Variants in ASAP1 observed in about 807,000 individuals in gnomAD.
ASAP1 encodes arf-GAP with SH3 domain, ANK repeat and PH domain-containing protein 1.
Under a neutral mutation model 145.2 loss-of-function variants are expected in ASAP1, and 43 were observed. The ratio of observed to expected loss-of-function variants is 0.30; its 90% CI spans 0.23 to 0.38. ASAP1 has a LOEUF of 0.38. Among genes scored for constraint, ASAP1 ranks in the 10% least tolerant of loss-of-function variants. The pLI is 1.00. For synonymous variants in ASAP1, 546 were observed against 515.5 expected (o/e 1.06, Z -0.80); for missense variants, 1,018 against 1,355.3 (o/e 0.75, Z 3.91).
chr8:130,179,502 C>T (rs922955375), intron 8 of ASAP1, among the ~76,000 whole-genome samples, 153 bp from the exon 9 acceptor site: 2 of 152,142 alleles, frequency 1.3e-5, no homozygotes, highest in African/African-American at 4.8e-5. Context: ...TTCGCAGTCA[C>T]AAAGTGTTCA....
chr8:130,136,311 C>G (rs2097594640), intron 14 of ASAP1, among the ~76,000 whole-genome samples: 1 of 152,194 alleles, frequency 6.6e-6, no homozygotes, highest in East Asian at 1.9e-4. Context: ...TCATTACGCT[C>G]TCTCATCACA....
chr8:130,262,436 G>C (rs1469099407), intron 3 of ASAP1, among the ~76,000 whole-genome samples: 1 of 138,258 alleles, frequency 7.2e-6, no homozygotes, highest in Admixed American at 7.3e-5. Flanking sequence ...GAGAGAGAGA[G>C]AGAGAGAGAG....
At chr8:130,162,487 G>C (rs1301549746) in intron 11 of ASAP1, among the ~76,000 whole-genome samples, 1 of 152,092 alleles carries the variant, frequency 6.6e-6, no homozygotes, top group Admixed American at 6.5e-5. Context: ...TATGAATTTG[G>C]AGTCAGGGAT....
intron 1 of ASAP1, among the ~76,000 whole-genome samples, chr8:130,423,714 A>G (rs1017407039): frequency 9.9e-5 from 15 of 152,226 alleles, no homozygotes; most frequent in African/African-American, 3.4e-4. Flanking sequence ...GTCTATGAGT[A>G]TATCAGCATA....
chr8:130,178,016 T>A (rs181155273), intron 9 of ASAP1, among the ~76,000 whole-genome samples: 1 of 152,212 alleles, frequency 6.6e-6, no homozygotes, highest in South Asian at 2.1e-4. Context: ...AGCCAAAATG[T>A]TGACTCATCT....
chr8:130,183,381 C>A lies in ASAP1; in HGVS notation c.531-2501G>T, dbSNP rs193146875. Among the ~76,000 whole-genome samples, 16 of 152,158 alleles carry A rather than the reference C, an allele frequency of 1.1e-4. No homozygotes were observed. In the East Asian group the frequency reaches 2.7e-3, roughly 26 times the overall value. On this transcript the variant is annotated intron_variant, in intron 7 of 29. Transcript: ENST00000518721. ...TTTGAGACAAAGTCTCGCTTTCTTG[C>A]CCAGGCTGGAGTGCAGTGGTCCGAT...
At chr8:130,420,493 C>T (rs1412505356) in intron 1 of ASAP1, among the ~76,000 whole-genome samples, 2 of 152,052 alleles carry the variant, frequency 1.3e-5, no homozygotes, top group Admixed American at 6.5e-5. Flanking sequence ...GCACTATTCA[C>T]GATGGCCAGG....
intron 3 of ASAP1, among the ~76,000 whole-genome samples, chr8:130,278,995 G>A (rs1372002397): frequency 6.6e-6 from 1 of 152,196 alleles, no homozygotes; most frequent in Non-Finnish European, 1.5e-5. Flanking sequence ...CCATTTCACA[G>A]ATGAGGAAGC....
At chr8:130,335,012 C>A (rs901844731) in intron 3 of ASAP1, among the ~76,000 whole-genome samples, 1 of 152,202 alleles carries the variant, frequency 6.6e-6, no homozygotes, top group Non-Finnish European at 1.5e-5. Context: ...TCCCCAAATT[C>A]TCTCTGGCCA....
intron 3 of ASAP1, among the ~76,000 whole-genome samples, chr8:130,327,753 G>A (rs1009007505): frequency 7.9e-5 from 12 of 152,116 alleles, no homozygotes; most frequent in Admixed American, 5.2e-4. Context: ...AGGATTTGGA[G>A]GAAAATGAGG....
chr8:130,354,762 A>G (rs542285824), intron 3 of ASAP1, among the ~76,000 whole-genome samples: 44 of 152,228 alleles, frequency 2.9e-4, no homozygotes, highest in African/African-American at 1.0e-3. Context: ...CAGCTCATCC[A>G]TTCCTGCCTC....
At chr8:130,378,778 A>ATGCATATTAGCAGTTCTT (rs1827625072) in intron 2 of ASAP1, among the ~76,000 whole-genome samples, 1 of 152,202 alleles carries the variant, frequency 6.6e-6, no homozygotes. Context: ...TGTCTGTCAA[A>ATGCATATTAGCAGTTCTT]TGCATATTAG....
At chr8:130,221,410 A>G (rs1201754731) in intron 4 of ASAP1, among the ~76,000 whole-genome samples, 1 of 152,224 alleles carries the variant, frequency 6.6e-6, no homozygotes, top group Non-Finnish European at 1.5e-5. Flanking sequence ...CTGTTGTCAC[A>G]AGAGATGAAA....
At chr8:130,315,592 C>T (rs1255968618) in intron 3 of ASAP1, among the ~76,000 whole-genome samples, 1 of 152,138 alleles carries the variant, frequency 6.6e-6, no homozygotes, top group African/African-American at 2.4e-5. Context: ...AGAAATAGAC[C>T]ACTTGTTGCT....
chr8:130,309,854 G>C (rs946461621), intron 3 of ASAP1, among the ~76,000 whole-genome samples: 4 of 152,098 alleles, frequency 2.6e-5, no homozygotes, highest in African/African-American at 9.7e-5. Flanking sequence ...ATCAAAGACT[G>C]ACCAAGCAAA....
chr8:130,101,912 A>G (rs1417225679), intron 24 of ASAP1, among the ~76,000 whole-genome samples: 1 of 151,906 alleles, frequency 6.6e-6, no homozygotes, highest in Non-Finnish European at 1.5e-5. Flanking sequence ...ACTGGTGTAT[A>G]GAAACACTAC....
intron 8 of ASAP1, among the ~76,000 whole-genome samples, chr8:130,179,965 A>G (rs1386581120): frequency 6.9e-6 from 1 of 144,382 alleles, no homozygotes; most frequent in African/African-American, 2.5e-5. Flanking sequence ...AAACAGAAAA[A>G]AGAGAGAAAG....
At chr8:130,072,830 CG>C (rs113708683) in intron 27 of ASAP1, among the ~76,000 whole-genome samples, 3 of 31,922 alleles carry the variant, frequency 9.4e-5, no homozygotes, top group Admixed American at 3.5e-4. Flanking sequence ...TGTGTGCGCG[CG>C]GGGGGGGGCA....
intron 11 of ASAP1, among the ~76,000 whole-genome samples, chr8:130,162,589 C>T (rs571503034): frequency 1.2e-4 from 18 of 152,146 alleles, no homozygotes; most frequent in Middle Eastern, 3.4e-3. Flanking sequence ...GAGGCTGAGG[C>T]GGGTGGATCA....
Sources: allele counts gnomAD v4.1 joint callset (sites outside exome capture counted in the v4.1 genomes callset), GRCh38; gene constraint gnomAD v4.1.1; transcripts MANE v1.5; gene names NCBI Gene and HGNC (gene_info 2026-07-23, HGNC 2026-07-21).